The following EBF2 variants were observed in gnomAD, a reference collection of about 807,000 sequenced individuals.
EBF2 encodes EBF transcription factor 2.
Under a neutral mutation model 72.8 loss-of-function variants are expected in EBF2, and 21 were observed. That is an observed-to-expected ratio of 0.29 (90% CI 0.20 to 0.42). EBF2 has a LOEUF of 0.42. EBF2 is among the 10% of genes least tolerant of loss of function. The pLI, the probability that EBF2 is intolerant of heterozygous loss-of-function variation, is 1.00. For missense variants in EBF2, 637 were observed against 731.2 expected, an observed-to-expected ratio of 0.87 and a Z score of 1.49; for synonymous variants, 299 against 274.2, an observed-to-expected ratio of 1.09 and a Z score of -0.89.
chr8:26,023,265 A>G (rs544345036), intron 6 of EBF2, among the ~76,000 whole-genome samples: 67 of 152,314 alleles, frequency 4.4e-4, no homozygotes, highest in African/African-American at 1.4e-3. Context: ...AGCCAGCTGG[A>G]TAAGTTTGCA....
At chr8:25,935,963 C>T (rs894654926) in intron 6 of EBF2, among the ~76,000 whole-genome samples, 1 of 152,142 alleles carries the variant, frequency 6.6e-6, no homozygotes, top group Non-Finnish European at 1.5e-5. Flanking sequence ...CAAGTCCGCT[C>T]GGCTGTGGAA....
intron 6 of EBF2, among the ~76,000 whole-genome samples, chr8:26,021,727 T>A (rs1166001048): frequency 1.3e-5 from 2 of 152,246 alleles, no homozygotes; most frequent in African/African-American, 4.8e-5. Context: ...CTGGTATTTA[T>A]ATTTAAGTAG....
chr8:26,008,858 A>C (rs1804928604), intron 6 of EBF2, among the ~76,000 whole-genome samples: 1 of 142,682 alleles, frequency 7.0e-6, no homozygotes, highest in Non-Finnish European at 1.5e-5. Context: ...AAAAAAAAAA[A>C]ACACGAAAGT....
At chr8:25,848,180 G>A (rs1801879295) in intron 15 of EBF2, among the ~76,000 whole-genome samples, 1 of 152,094 alleles carries the variant, frequency 6.6e-6, no homozygotes, top group Admixed American at 6.6e-5. Context: ...TCTTTTAAAG[G>A]TTCAAATCAC....
intron 6 of EBF2, among the ~76,000 whole-genome samples, chr8:25,941,909 C>G: frequency 6.6e-6 from 1 of 152,306 alleles, no homozygotes; most frequent in South Asian, 2.1e-4. Context: ...CCAGGGTTCT[C>G]GTCCATTTTA....
chr8:25,849,142 A>T (rs1801906077), intron 15 of EBF2, among the ~76,000 whole-genome samples: 1 of 152,340 alleles, frequency 6.6e-6, no homozygotes, highest in Non-Finnish European at 1.5e-5. Context: ...GATGTTTCCA[A>T]CTACCCATAC....
intron 6 of EBF2, among the ~76,000 whole-genome samples, chr8:25,946,753 G>C (rs987077329): frequency 1.3e-5 from 2 of 152,072 alleles, no homozygotes; most frequent in Non-Finnish European, 2.9e-5. Flanking sequence ...TCCTCCCCTA[G>C]TCTCAACCCC....
At chr8:26,017,135 GCCATGCAGTC>G (rs951670271) in intron 6 of EBF2, among the ~76,000 whole-genome samples, 2 of 146,832 alleles carry the variant, frequency 1.4e-5, no homozygotes, top group African/African-American at 5.1e-5. Flanking sequence ...TGTGTGTTTT[GCCATGCAGTC>G]CCCTTATTTA....
chr8:25,917,499 C>G (rs982477142), intron 6 of EBF2, among the ~76,000 whole-genome samples: 5 of 152,136 alleles, frequency 3.3e-5, no homozygotes, highest in African/African-American at 1.2e-4. Flanking sequence ...AAAGAAACAA[C>G]CCATGTCCTC....
intron 6 of EBF2, among the ~76,000 whole-genome samples, chr8:25,950,494 G>A (rs1053923937): frequency 2.6e-5 from 4 of 152,220 alleles, no homozygotes; most frequent in African/African-American, 9.6e-5. Flanking sequence ...TGCTGAGGCA[G>A]ATACCCAGGC....
In EBF2 at chr8:26,007,911, A is replaced by AT. The variant is rs566416704; in HGVS notation, c.551+25173_551+25174insA. Among the ~76,000 whole-genome samples, 590 of 152,222 alleles carry AT rather than the reference A, an allele frequency of 3.9e-3. 2 individuals carry two copies. Among genetic ancestry groups the AT allele is most frequent in the African/African-American group, 0.013 (540 of 41,526 alleles). ...ATAGCAGGTTTCCCTAAAAAAAAAA[A>AT]AATAATAATTTTATCTCAGCATTTT... On this transcript the variant is annotated intron_variant, in intron 6 of 15. Coordinates refer to ENST00000520164, the MANE Select transcript of EBF2 (RefSeq NM_022659.4).
chr8:25,922,044 C>T (rs984051697), intron 6 of EBF2, among the ~76,000 whole-genome samples: 2 of 152,176 alleles, frequency 1.3e-5, no homozygotes, highest in African/African-American at 4.8e-5. Flanking sequence ...TCTCCCATCT[C>T]ATTTGGAGTC....
At chr8:26,040,577 A>G in intron 4 of EBF2, 39 bp downstream of exon 4, 3 of 1,546,260 alleles carry the variant, frequency 1.9e-6, no homozygotes, top group Non-Finnish European at 2.6e-6. Flanking sequence ...GGTCGGGGTC[A>G]GAGACAGGCG....
chr8:25,906,374 C>T (rs1803031148), intron 7 of EBF2, among the ~76,000 whole-genome samples: 1 of 152,154 alleles, frequency 6.6e-6, no homozygotes, highest in Non-Finnish European at 1.5e-5. Flanking sequence ...AAATTATTTA[C>T]ATTTTTATTT....
chr8:25,862,008 G>A (rs938769601), intron 11 of EBF2, among the ~76,000 whole-genome samples: 1 of 152,148 alleles, frequency 6.6e-6, no homozygotes, highest in Non-Finnish European at 1.5e-5. Flanking sequence ...GGTGGGGCTA[G>A]GGATTTTTCC....
At chr8:25,844,913 G>A (rs921432649) in intron 15 of EBF2, among the ~76,000 whole-genome samples, 3 of 152,168 alleles carry the variant, frequency 2.0e-5, no homozygotes, top group Non-Finnish European at 4.4e-5. Flanking sequence ...TATATGGGTT[G>A]TATAAATGAG....
intron 6 of EBF2, among the ~76,000 whole-genome samples, chr8:25,935,931 G>T (rs2117151215): frequency 6.6e-6 from 1 of 152,246 alleles, no homozygotes; most frequent in Admixed American, 6.5e-5. Context: ...TGGGAGAAAG[G>T]AAATTAAAAT....
Position 25,862,795 on chromosome 8 carries a change from A to C in EBF2, c.1012T>G (p.Leu338Val). The C allele has an allele frequency of 6.3e-7, 1 of 1,581,686 alleles. No homozygotes were observed. Among genetic ancestry groups the C allele is most frequent in the Non-Finnish European group, 8.6e-7 (1 of 1,163,496 alleles). Reference protein sequence around the residue: ...GAPGRFIYTALNEPTIDYGFQ... With the variant: ...GAPGRFIYTAVNEPTIDYGFQ... ...CCATAGTCTATGGTGGGTTCATTTA[A>C]TGCTGAAAGAGAAAAGTCCTCTTTC... The change falls in exon 11 of 16, where the codon TTA becomes GTA. Residue 338 changes from leucine to valine, a missense_variant and splice_region_variant. By Grantham distance (32) the Leu-to-Val change is conservative. Transcript: ENST00000520164.
chr8:25,845,231 C>G (rs989185392), intron 15 of EBF2, among the ~76,000 whole-genome samples: 1 of 152,100 alleles, frequency 6.6e-6, no homozygotes, highest in Non-Finnish European at 1.5e-5. Flanking sequence ...TTTAGTCCCT[C>G]AGTTCCCACT....
Sources: allele counts gnomAD v4.1 joint callset (sites outside exome capture counted in the v4.1 genomes callset), GRCh38; gene constraint gnomAD v4.1.1; transcripts MANE v1.5; gene names NCBI Gene and HGNC (gene_info 2026-07-23, HGNC 2026-07-21).